Variants in ESRRB observed in about 807,000 individuals in gnomAD.
ESRRB encodes the protein steroid hormone receptor ERR2.
Under a neutral mutation model 46.0 loss-of-function variants are expected in ESRRB, and 16 were observed. The ratio of observed to expected loss-of-function variants is 0.35; its 90% CI spans 0.24 to 0.53. ESRRB has a LOEUF of 0.53. Ranked by LOEUF, ESRRB falls within the 20% of genes least tolerant of loss-of-function variation. The pLI is 0.93. For missense variants in ESRRB, 488 were observed against 607.4 expected (o/e 0.80, Z 2.07); for synonymous variants, 246 against 259.6 (o/e 0.95, Z 0.50).
chr14:76,399,189 C>G (rs551289082), intron 1 of ESRRB, among the ~76,000 whole-genome samples: 1 of 152,104 alleles, frequency 6.6e-6, no homozygotes, highest in South Asian at 2.1e-4. Context: ...GCTGGCCAGC[C>G]GTGTGTTTTA....
chr14:76,343,004 G>C (rs181805699), intron 1 of ESRRB, among the ~76,000 whole-genome samples: 1 of 152,296 alleles, frequency 6.6e-6, no homozygotes, highest in Admixed American at 6.5e-5. Flanking sequence ...GAGTGGACAG[G>C]GGAGATGAAG....
At chr14:76,443,566 G>A (rs1888007283) in intron 2 of ESRRB, among the ~76,000 whole-genome samples, 2 of 152,188 alleles carry the variant, frequency 1.3e-5, no homozygotes, top group Admixed American at 1.3e-4. Context: ...AAATTGGAAG[G>A]TTGTCTTGGA....
intron 1 of ESRRB, among the ~76,000 whole-genome samples, chr14:76,331,028 C>T (rs1483552778): frequency 6.6e-6 from 1 of 152,142 alleles, no homozygotes; most frequent in Non-Finnish European, 1.5e-5. Flanking sequence ...CTGGGGACAG[C>T]CTGTCCTTGC....
At chr14:76,479,063 CA>C (rs1188731119) in intron 3 of ESRRB, among the ~76,000 whole-genome samples, 3 of 152,134 alleles carry the variant, frequency 2.0e-5, no homozygotes, top group African/African-American at 7.2e-5. Context: ...GTTGTCCGTG[CA>C]AATCACCTTG....
At chr14:76,371,063 C>G (rs1316109929), upstream of ESRRB, among the ~76,000 whole-genome samples, 1 of 152,186 alleles carries the variant, frequency 6.6e-6, no homozygotes, top group Admixed American at 6.5e-5. Flanking sequence ...AAGATGCCCC[C>G]TTCATATTTT....
chr14:76,460,625 A>G (rs559504042), intron 2 of ESRRB, among the ~76,000 whole-genome samples: 43 of 152,260 alleles, frequency 2.8e-4, no homozygotes, highest in South Asian at 1.2e-3. Flanking sequence ...GGCTGACCTC[A>G]AGCACTTTGG....
At chr14:76,494,479 G>A (rs1258335278) in intron 6 of ESRRB, among the ~76,000 whole-genome samples, 1 of 151,892 alleles carries the variant, frequency 6.6e-6, no homozygotes, top group Non-Finnish European at 1.5e-5. Context: ...GCTAATTTTT[G>A]TATTTTTAGT....
chr14:76,367,683 G>T (rs1390797350), upstream of ESRRB, among the ~76,000 whole-genome samples: 1 of 152,170 alleles, frequency 6.6e-6, no homozygotes, highest in African/African-American at 2.4e-5. Flanking sequence ...CCAGATCTTA[G>T]GCACTGGGAG....
upstream of ESRRB, among the ~76,000 whole-genome samples, chr14:76,373,783 A>AGTG (rs1265215346): frequency 1.3e-5 from 2 of 152,352 alleles, no homozygotes; most frequent in African/African-American, 4.8e-5. Flanking sequence ...ACAATCAGCT[A>AGTG]GTGCCCAGAG....
intron 1 of ESRRB, among the ~76,000 whole-genome samples, chr14:76,317,945 T>C (rs1333843650): frequency 6.6e-6 from 1 of 152,198 alleles, no homozygotes; most frequent in Non-Finnish European, 1.5e-5. Context: ...AGATGTGGCT[T>C]TTCTTGTGCT....
chr14:76,453,376 G>A (rs903646310), intron 2 of ESRRB, among the ~76,000 whole-genome samples: 16 of 152,190 alleles, frequency 1.1e-4, no homozygotes, highest in Admixed American at 2.0e-4. Context: ...TTGCAGAGTA[G>A]GGGCCAGTGG....
At chr14:76,316,075 C>A (rs898782907) in intron 1 of ESRRB, among the ~76,000 whole-genome samples, 2 of 152,220 alleles carry the variant, frequency 1.3e-5, no homozygotes, top group African/African-American at 4.8e-5. Context: ...CCAGACCAGT[C>A]CTGGCTGTGC....
At chr14:76,341,315 G>A (rs974310771) in intron 1 of ESRRB, among the ~76,000 whole-genome samples, 43 of 152,276 alleles carry the variant, frequency 2.8e-4, no homozygotes, top group Middle Eastern at 3.4e-3. Flanking sequence ...TGCTGTCCTC[G>A]TCCCCTCCCC....
At chr14:76,412,284 T>C (rs1171054079) in intron 1 of ESRRB, among the ~76,000 whole-genome samples, 1 of 152,232 alleles carries the variant, frequency 6.6e-6, no homozygotes, top group East Asian at 1.9e-4. Context: ...CAGGAATAGA[T>C]GGAGTGGCTT....
intron 1 of ESRRB, among the ~76,000 whole-genome samples, chr14:76,411,164 C>T (rs1886421789): frequency 1.3e-5 from 2 of 152,074 alleles, no homozygotes; most frequent in South Asian, 2.1e-4. Flanking sequence ...GGATGCAAGG[C>T]TGGGCATGGT....
chr14:76,444,086 G>C (rs1888032014), intron 2 of ESRRB, among the ~76,000 whole-genome samples: 1 of 151,616 alleles, frequency 6.6e-6, no homozygotes, highest in Non-Finnish European at 1.5e-5. Context: ...TTTTGAGACA[G>C]AGTCTCGCTC....
At chr14:76,363,060 C>T (rs1884482422) in intron 1 of ESRRB, among the ~76,000 whole-genome samples, 1 of 152,122 alleles carries the variant, frequency 6.6e-6, no homozygotes, top group African/African-American at 2.4e-5. Context: ...TCTACCCTAT[C>T]CTTTGATGGT....
chr14:76,500,529 T>C lies in ESRRB; in HGVS notation c.*2071T>C. 1.4e-6 allele frequency: 1 copy of C among 702,026 alleles called. No individual in the cohort carries two copies. The highest frequency in any genetic ancestry group is 2.6e-5 in the East Asian group (1 of 38,864). The allele number at this position is 702,026 out of a possible 1,614,324, so 43.5% of individuals were successfully genotyped here. On this transcript the variant is annotated 3_prime_UTR_variant, in exon 7 of 7. Coordinates refer to ENST00000644823, the MANE Select transcript of ESRRB (RefSeq NM_001379180.1). ...TTCTGCTCCGGAGAAACCTTCACAG[T>C]AGAGACCTTGGGGTGTGTGCTTTGG...
At chr14:76,333,540 C>A (rs1160353417) in intron 1 of ESRRB, among the ~76,000 whole-genome samples, 2 of 142,804 alleles carry the variant, frequency 1.4e-5, no homozygotes, top group Non-Finnish European at 3.0e-5. Flanking sequence ...GTTGCCCAGG[C>A]TGGTCTCAAA....
Sources: allele counts gnomAD v4.1 joint callset (sites outside exome capture counted in the v4.1 genomes callset), GRCh38; gene constraint gnomAD v4.1.1; transcripts MANE v1.5; gene names NCBI Gene and HGNC (gene_info 2026-07-23, HGNC 2026-07-21).